The following EML1 variants were observed in gnomAD, a reference collection of about 807,000 sequenced individuals.
EML1 encodes EMAP like 1, also known as echinoderm microtubule-associated protein-like 1.
EML1 carries 27 observed loss-of-function variants against 110.4 expected under a neutral mutation model. The observed-to-expected ratio is 0.24, with a 90% CI of 0.18 to 0.34. The LOEUF (loss-of-function observed/expected upper bound fraction) is 0.34, where lower values mean the gene tolerates loss of function less well. Ranked by LOEUF, EML1 falls within the 10% of genes least tolerant of loss-of-function variation. The probability of loss-of-function intolerance (pLI) is 1.00; values close to 1 mark genes in which losing one functional copy is unlikely to be tolerated. For missense variants in EML1, 741 were observed against 1,030.9 expected, an observed-to-expected ratio of 0.72 and a Z score of 3.85; for synonymous variants, 344 against 385.8, an observed-to-expected ratio of 0.89 and a Z score of 1.27.
At chr14:99,855,475 T>A (rs1420050279) in intron 2 of EML1, among the ~76,000 whole-genome samples, 6 of 152,222 alleles carry the variant, frequency 3.9e-5, no homozygotes, top group Non-Finnish European at 8.8e-5. Context: ...TGGAGTTCAA[T>A]CAATCCATTG....
At chr14:99,828,695 A>T (rs897021214) in intron 1 of EML1, among the ~76,000 whole-genome samples, 5 of 152,202 alleles carry the variant, frequency 3.3e-5, no homozygotes, top group Non-Finnish European at 5.9e-5. Context: ...AGTTAACTAC[A>T]AATAGCCTGC....
At position 99,865,728 on chromosome 14, in the gene EML1, A is replaced by G. The variant is rs765997558; in HGVS notation, c.383+82A>G. 18 of 1,485,410 alleles carry G rather than the reference A, an allele frequency of 1.2e-5. No individual in the cohort carries two copies. The Admixed American group carries it at 1.7e-4, about 14-fold the overall frequency. The allele number at this position is 1,485,410 out of a possible 1,614,324, so 92.0% of individuals were successfully genotyped here. ...AACATGAGTATTACTTTTTAAAATG[A>G]CATTGTACAATTTCTTCTGTGAGTT... On this transcript the variant is annotated intron_variant, in intron 3 of 21. Transcript: ENST00000262233.
At chr14:99,818,029 C>T (rs1271457937) in intron 1 of EML1, among the ~76,000 whole-genome samples, 2 of 151,674 alleles carry the variant, frequency 1.3e-5, no homozygotes, top group African/African-American at 4.8e-5. Flanking sequence ...TAGAGTGGCT[C>T]GGGAAAAGGC....
At chr14:99,848,366 T>G (rs2058737639) in intron 1 of EML1, among the ~76,000 whole-genome samples, 1 of 152,212 alleles carries the variant, frequency 6.6e-6, no homozygotes, top group African/African-American at 2.4e-5. Flanking sequence ...GAGTAGATTT[T>G]AAGTGTTCTT....
intron 6 of EML1, among the ~76,000 whole-genome samples, chr14:99,895,553 T>A (rs1278583876): frequency 6.6e-6 from 1 of 152,078 alleles, no homozygotes; most frequent in Non-Finnish European, 1.5e-5. Flanking sequence ...CAAAAAAGTT[T>A]TTAAACCCAA....
At chr14:99,821,283 A>G (rs1040865989) in intron 1 of EML1, among the ~76,000 whole-genome samples, 13 of 152,290 alleles carry the variant, frequency 8.5e-5, no homozygotes, top group Middle Eastern at 3.4e-3. Flanking sequence ...TTGCGATTAC[A>G]GGCTTGAGGC....
intron 15 of EML1, among the ~76,000 whole-genome samples, chr14:99,915,765 G>C (rs2060024346): frequency 6.6e-6 from 1 of 152,198 alleles, no homozygotes; most frequent in South Asian, 2.1e-4. Context: ...CGAATCGGAA[G>C]CTCATTCTCT....
chr14:99,806,258 A>G (rs2057972042), intron 1 of EML1, among the ~76,000 whole-genome samples: 1 of 150,748 alleles, frequency 6.6e-6, no homozygotes, highest in Non-Finnish European at 1.5e-5. Context: ...ACCCACGTGC[A>G]TTACAAGCAG....
chr14:99,840,796 G>C lies in EML1; in HGVS notation c.68-10057G>C, dbSNP rs189550845. Among the ~76,000 whole-genome samples, 344 of 152,178 alleles carry C rather than the reference G, an allele frequency of 2.3e-3. 2 individuals are homozygous for C. Among genetic ancestry groups the C allele is most frequent in the African/African-American group, 7.2e-3 (301 of 41,536 alleles). Reference sequence around the variant, plus strand: ...GGATACTGAGATAATCACATGAATGGAGAAAAAAGCATGCTTCTCTCACCT... The same window carrying C: ...GGATACTGAGATAATCACATGAATGCAGAAAAAAGCATGCTTCTCTCACCT... On this transcript the variant is annotated intron_variant, in intron 1 of 21. Transcript: ENST00000262233.
intron 10 of EML1, 79 bp downstream of exon 10, chr14:99,907,812 C>T (rs1381667607): frequency 7.3e-7 from 1 of 1,367,420 alleles, no homozygotes; most frequent in Non-Finnish European, 1.0e-6. Context: ...AGCCCCCTTT[C>T]AGCGGGCTCA....
chr14:99,826,105 ATT>A (rs71113225), intron 1 of EML1, among the ~76,000 whole-genome samples: 1,456 of 79,808 alleles, frequency 0.018, 15 homozygotes, highest in African/African-American at 0.067. Flanking sequence ...CTGTGCATTG[ATT>A]TTTTTTTTTT....
chr14:99,939,538 AT>A lies in EML1; in HGVS notation c.2322+212del, dbSNP rs540059603. On this transcript the variant is annotated intron_variant, in intron 21 of 21. Transcript: ENST00000262233. This position sits in a 1 kb window ranked among gnomAD's most constrained non-coding sequence, Gnocchi z 4.2. ...CCCACAAAGCCGTTCAGAGCTGCTC[AT>A]CCACCTCTGCAGCCCCACAGGCTCA... Among the ~76,000 whole-genome samples the A allele has an allele frequency of 3.0e-3, 455 of 152,142 alleles. 1 individual carries two copies. The highest frequency in any genetic ancestry group is 0.011 in the African/African-American group (438 of 41,508).
At chr14:99,861,020 A>C (rs1177483703) in intron 2 of EML1, among the ~76,000 whole-genome samples, 1 of 152,202 alleles carries the variant, frequency 6.6e-6, no homozygotes, top group African/African-American at 2.4e-5. Flanking sequence ...AGAAAAGGAC[A>C]ACAATAGATT....
At chr14:99,922,406 G>A (rs572162915) in intron 17 of EML1, among the ~76,000 whole-genome samples, 1 of 152,036 alleles carries the variant, frequency 6.6e-6, no homozygotes, top group Non-Finnish European at 1.5e-5. Context: ...GTGAGCCACC[G>A]CACCCTGGCC....
intron 4 of EML1, among the ~76,000 whole-genome samples, chr14:99,889,971 T>TA (rs2059558479): frequency 6.6e-6 from 1 of 152,220 alleles, no homozygotes; most frequent in African/African-American, 2.4e-5. Context: ...CCACCCCATG[T>TA]GCTGCAGGAA....
At chr14:99,863,611 G>T (rs956454245) in intron 2 of EML1, among the ~76,000 whole-genome samples, 1 of 152,308 alleles carries the variant, frequency 6.6e-6, no homozygotes, top group East Asian at 1.9e-4. Context: ...ACAACATGGA[G>T]CCTCTCAGAC....
At chr14:99,831,363 C>T (rs540420617) in intron 1 of EML1, among the ~76,000 whole-genome samples, 1 of 152,240 alleles carries the variant, frequency 6.6e-6, no homozygotes, top group East Asian at 1.9e-4. Context: ...TGCAGCTGCT[C>T]CAGGGACCCG....
chr14:99,807,940 A>G (rs1042249547), intron 1 of EML1, among the ~76,000 whole-genome samples: 2 of 152,170 alleles, frequency 1.3e-5, no homozygotes, highest in African/African-American at 2.4e-5. Context: ...ACTGTGTGCC[A>G]AGAGTTTCCA....
intron 1 of EML1, among the ~76,000 whole-genome samples, chr14:99,836,585 G>C (rs2058544758): frequency 6.6e-6 from 1 of 152,036 alleles, no homozygotes; most frequent in African/African-American, 2.4e-5. Flanking sequence ...CTATTTAATT[G>C]TTCTTGTCTA....
Sources: gnomAD v4.1 joint callset for allele counts (sites outside exome capture counted in the v4.1 genomes callset) on GRCh38, gnomAD v4.1.1 for gene constraint, Gnocchi (gnomAD v3.1) non-coding constraint, MANE v1.5 for transcripts, NCBI Gene and HGNC (gene_info 2026-07-23, HGNC 2026-07-21) for gene names.